CNTNAP2: variants seen among roughly 807,000 people sequenced by gnomAD.
CNTNAP2 encodes the protein contactin-associated protein-like 2.
In CNTNAP2, 98 loss-of-function variants were observed where a neutral mutation model predicts 155.2. The ratio of observed to expected loss-of-function variants is 0.63; its 90% confidence interval spans 0.54 to 0.75. The LOEUF (loss-of-function observed/expected upper bound fraction) is 0.75. Among genes scored for constraint, CNTNAP2 ranks in the 30% least tolerant of loss-of-function variants. CNTNAP2 has a pLI of 0.00. For missense variants in CNTNAP2, 1,727 were observed against 1,688.1 expected, an observed-to-expected ratio of 1.02 and a Z score of -0.40; for synonymous variants, 651 against 631.2, an observed-to-expected ratio of 1.03 and a Z score of -0.47.
At chr7:146,596,772 G>T (rs1798868963) in intron 1 of CNTNAP2, among the ~76,000 whole-genome samples, 1 of 152,068 alleles carries the variant, frequency 6.6e-6, no homozygotes, top group African/African-American at 2.4e-5. Context: ...GTGACCTTAG[G>T]CAAGTGACTT....
intron 4 of CNTNAP2, among the ~76,000 whole-genome samples, chr7:147,107,767 G>A (rs1206127949): frequency 6.6e-6 from 1 of 151,964 alleles, no homozygotes; most frequent in African/African-American, 2.4e-5. Flanking sequence ...AAATCATGAA[G>A]AATTATCATT....
At chr7:146,881,594 A>C (rs958631741) in intron 3 of CNTNAP2, among the ~76,000 whole-genome samples, 1 of 151,968 alleles carries the variant, frequency 6.6e-6, no homozygotes, top group Non-Finnish European at 1.5e-5. Flanking sequence ...CTAAAAATGG[A>C]TGTTTTCTGA....
At chr7:146,566,927 G>A (rs1798366445) in intron 1 of CNTNAP2, among the ~76,000 whole-genome samples, 1 of 151,956 alleles carries the variant, frequency 6.6e-6, no homozygotes, top group South Asian at 2.1e-4. Flanking sequence ...ATACCTCATT[G>A]TATTTATTTA....
intron 13 of CNTNAP2, among the ~76,000 whole-genome samples, chr7:147,779,065 A>T (rs975295385): frequency 1.3e-5 from 2 of 152,238 alleles, no homozygotes; most frequent in African/African-American, 2.4e-5. Context: ...TCTATTATGA[A>T]ATTAGCATGC....
intron 8 of CNTNAP2, among the ~76,000 whole-genome samples, chr7:147,235,655 G>T (rs1397514928): frequency 3.3e-5 from 5 of 152,042 alleles, no homozygotes. Flanking sequence ...TCACACTGAA[G>T]CCCACATTGT....
chr7:147,565,314 G>A (rs1033222830), intron 12 of CNTNAP2, among the ~76,000 whole-genome samples: 5 of 152,160 alleles, frequency 3.3e-5, no homozygotes, highest in African/African-American at 1.2e-4. Context: ...GGGGAAAGGT[G>A]GGTGGGGGCA....
intron 8 of CNTNAP2, among the ~76,000 whole-genome samples, chr7:147,244,228 C>A (rs1462786620): frequency 6.6e-6 from 1 of 152,206 alleles, no homozygotes; most frequent in Non-Finnish European, 1.5e-5. Flanking sequence ...CCAACCTACT[C>A]TCCACAGAGT....
chr7:148,323,050 T>C (rs1585271720), intron 21 of CNTNAP2, among the ~76,000 whole-genome samples: 1 of 152,216 alleles, frequency 6.6e-6, no homozygotes, highest in African/African-American at 2.4e-5. Flanking sequence ...ACTATTGTTA[T>C]AATCACCATA....
At chr7:147,678,487 G>C (rs1231024572) in intron 13 of CNTNAP2, among the ~76,000 whole-genome samples, 1 of 151,812 alleles carries the variant, frequency 6.6e-6, no homozygotes, top group Non-Finnish European at 1.5e-5. Flanking sequence ...TCAAGGTCTT[G>C]GCTTTGTTAA....
intron 9 of CNTNAP2, among the ~76,000 whole-genome samples, chr7:147,389,332 A>G (rs1796671709): frequency 6.6e-6 from 1 of 152,148 alleles, no homozygotes; most frequent in Non-Finnish European, 1.5e-5. Flanking sequence ...AACCTTCCCA[A>G]CTTTAAAAAA....
At chr7:146,956,848 C>T (rs1797447754) in intron 3 of CNTNAP2, among the ~76,000 whole-genome samples, 1 of 152,054 alleles carries the variant, frequency 6.6e-6, no homozygotes, top group Non-Finnish European at 1.5e-5. Context: ...ACAAGAATAG[C>T]ATGGGGGAAT....
intron 18 of CNTNAP2, among the ~76,000 whole-genome samples, chr7:148,204,440 G>A (rs561860461): frequency 6.6e-6 from 1 of 150,508 alleles, no homozygotes; most frequent in Non-Finnish European, 1.5e-5. Context: ...ATCAGCAAAT[G>A]GGAATGACTT....
chr7:147,041,635 T>C (rs771296079), intron 3 of CNTNAP2, among the ~76,000 whole-genome samples: 18 of 152,244 alleles, frequency 1.2e-4, no homozygotes, highest in Non-Finnish European at 2.6e-4. Context: ...AGTTACGTAA[T>C]GCACTTCCAT....
intron 6 of CNTNAP2, among the ~76,000 whole-genome samples, chr7:147,126,122 G>C (rs1378855683): frequency 6.6e-6 from 1 of 152,118 alleles, no homozygotes; most frequent in Non-Finnish European, 1.5e-5. Flanking sequence ...ACCAAAACTG[G>C]CTTCAAAGAA....
At chr7:147,409,105 T>C (rs1486149340) in intron 10 of CNTNAP2, among the ~76,000 whole-genome samples, 7 of 152,228 alleles carry the variant, frequency 4.6e-5, no homozygotes, top group African/African-American at 7.2e-5. Context: ...TAACTGACTA[T>C]TTGTTTAGTA....
intron 1 of CNTNAP2, among the ~76,000 whole-genome samples, chr7:146,284,340 C>T (rs1800295194): frequency 6.6e-6 from 1 of 151,820 alleles, no homozygotes; most frequent in Non-Finnish European, 1.5e-5. Context: ...AATTTATAGA[C>T]ATTTTATAAT....
chr7:147,878,549 T>A (rs1484678548), intron 13 of CNTNAP2, among the ~76,000 whole-genome samples: 1 of 152,284 alleles, frequency 6.6e-6, no homozygotes, highest in South Asian at 2.1e-4. Flanking sequence ...AAACTCAAGT[T>A]TATTTTTGTC....
chr7:147,916,692 G>A (rs2465089), intron 14 of CNTNAP2, among the ~76,000 whole-genome samples: 6 of 143,716 alleles, frequency 4.2e-5, no homozygotes, highest in African/African-American at 1.6e-4. Context: ...AAAAAAAAAT[G>A]CATTCTGCCC....
intron 15 of CNTNAP2, among the ~76,000 whole-genome samples, chr7:148,044,933 T>A (rs1802750125): frequency 6.6e-6 from 1 of 151,886 alleles, no homozygotes; most frequent in Non-Finnish European, 1.5e-5. Context: ...ACTCAAGCAA[T>A]CCTTCGCCTC....
Sources: gnomAD v4.1 joint callset for allele counts (sites outside exome capture counted in the v4.1 genomes callset) on GRCh38, gnomAD v4.1.1 for gene constraint, MANE v1.5 for transcripts, NCBI Gene and HGNC (gene_info 2026-07-23, HGNC 2026-07-21) for gene names.